Variants in CAP2 observed in about 807,000 individuals in gnomAD.
CAP2 encodes the protein adenylyl cyclase-associated protein 2.
Under a neutral mutation model 57.7 loss-of-function variants are expected in CAP2, and 24 were observed. That is an observed-to-expected ratio of 0.42 (90% CI 0.30 to 0.58). CAP2 has a LOEUF of 0.58. Among genes scored for constraint, CAP2 ranks in the 20% least tolerant of loss-of-function variants. CAP2 has a pLI of 0.22. For synonymous variants in CAP2, 194 were observed against 207.2 expected, an observed-to-expected ratio of 0.94 and a Z score of 0.55; for missense variants, 501 against 590.3, an observed-to-expected ratio of 0.85 and a Z score of 1.57.
intron 1 of CAP2, among the ~76,000 whole-genome samples, chr6:17,401,121 T>G (rs563394086): frequency 6.6e-6 from 1 of 152,286 alleles, no homozygotes; most frequent in South Asian, 2.1e-4. Flanking sequence ...CCCAAAATTC[T>G]TATGTTGAAA....
chr6:17,506,098 T>A (rs1253102360), intron 4 of CAP2, among the ~76,000 whole-genome samples: 1 of 152,080 alleles, frequency 6.6e-6, no homozygotes, highest in Non-Finnish European at 1.5e-5. Flanking sequence ...GGGGTCTTGC[T>A]GTGTTGTCTG....
intron 1 of CAP2, among the ~76,000 whole-genome samples, chr6:17,401,708 A>AT (rs1308967411): frequency 1.3e-5 from 2 of 152,170 alleles, no homozygotes; most frequent in Non-Finnish European, 2.9e-5. Context: ...ATCCACAATT[A>AT]TTTAGGCAAT....
chr6:17,551,060 T>C (rs983138834), intron 11 of CAP2, among the ~76,000 whole-genome samples: 2 of 152,226 alleles, frequency 1.3e-5, no homozygotes, highest in Non-Finnish European at 2.9e-5. Flanking sequence ...CCTAGTTTCA[T>C]AGAGATTTGT....
At chr6:17,453,859 A>G (rs1385724428) in intron 3 of CAP2, among the ~76,000 whole-genome samples, 1 of 151,590 alleles carries the variant, frequency 6.6e-6, no homozygotes, top group Non-Finnish European at 1.5e-5. Flanking sequence ...TCTCTGGGTA[A>G]ATAAATATAT....
rs558447708 is a variant in CAP2, at chr6:17,426,103, C to A, written c.122-487C>A. ...GTGAGACCCTGTCTCAAAAAACAAA[C>A]AAACAAACAAACAAAAAAACCAAAC... On this transcript the variant is annotated intron_variant, in intron 2 of 12. Transcript: ENST00000229922. Among the ~76,000 whole-genome samples, 497 of 151,726 alleles carry A rather than the reference C, an allele frequency of 3.3e-3. 1 individual carries two copies. Among genetic ancestry groups the A allele is most frequent in the African/African-American group, 0.011 (463 of 41,384 alleles).
intron 4 of CAP2, among the ~76,000 whole-genome samples, chr6:17,473,617 T>C (rs1259036087): frequency 1.3e-5 from 2 of 152,242 alleles, no homozygotes. Context: ...TTGCAGAACA[T>C]AGCTTCTGTC....
Position 17,400,097 on chromosome 6 carries a change from G to A in CAP2, c.-2+6351G>A, listed in dbSNP as rs546956467. ...AAAAATTAGCTGGGCATGGTGGCAC[G>A]TGCCTGTAGTCCCAGCTACTTGGGA... On this transcript the variant is annotated intron_variant, in intron 1 of 12. Coordinates refer to ENST00000229922, the MANE Select transcript of CAP2 (RefSeq NM_006366.3). 5.3e-5 allele frequency among the ~76,000 whole-genome samples: 8 copies of A among 152,104 alleles called. No individual in the cohort carries two copies. In the South Asian group the frequency reaches 1.0e-3, roughly 20 times the overall value.
intron 7 of CAP2, among the ~76,000 whole-genome samples, chr6:17,515,259 A>C (rs1311228570): frequency 6.6e-6 from 1 of 152,162 alleles, no homozygotes; most frequent in South Asian, 2.1e-4. Flanking sequence ...ACAGGTGTAC[A>C]TGGAAAGCTA....
At chr6:17,428,774 TAA>T (rs5874606) in intron 3 of CAP2, among the ~76,000 whole-genome samples, 1 of 147,088 alleles carries the variant, frequency 6.8e-6, no homozygotes, top group African/African-American at 2.5e-5. Context: ...TAAAGTATAA[TAA>T]AAAAAAAAAG....
intron 1 of CAP2, among the ~76,000 whole-genome samples, chr6:17,420,533 T>C (rs976397649): frequency 1.3e-5 from 2 of 152,202 alleles, no homozygotes; most frequent in Admixed American, 1.3e-4. Context: ...TTTTATGTAA[T>C]TGAGTAAACA....
intron 7 of CAP2, among the ~76,000 whole-genome samples, chr6:17,525,069 G>C (rs1012619764): frequency 7.9e-5 from 12 of 151,288 alleles, no homozygotes; most frequent in Non-Finnish European, 1.3e-4. Flanking sequence ...GCTACTTTTT[G>C]TACTTTTTTT....
At chr6:17,438,756 A>G (rs1436676652) in intron 3 of CAP2, among the ~76,000 whole-genome samples, 3 of 125,402 alleles carry the variant, frequency 2.4e-5, no homozygotes, top group Non-Finnish European at 4.8e-5. Context: ...TTTTTTATGT[A>G]GTAGAATTTA....
chr6:17,445,031 A>G (rs1156449388), intron 3 of CAP2, among the ~76,000 whole-genome samples: 1 of 152,208 alleles, frequency 6.6e-6, no homozygotes, highest in Non-Finnish European at 1.5e-5. Flanking sequence ...TTGACTTATA[A>G]TCACTGACAA....
chr6:17,432,178 A>C lies in CAP2; in HGVS notation c.222+5488A>C, dbSNP rs79192692. On this transcript the variant is annotated intron_variant, in intron 3 of 12. Transcript: ENST00000229922. ...GGAATAAATAATACAGAATATCTGC[A>C]TGTTTATTTTACGGATGGTATCTTG... Among the ~76,000 whole-genome samples, 422 of 152,310 alleles carry C rather than the reference A, an allele frequency of 2.8e-3. 2 individuals carry two copies. Among genetic ancestry groups the C allele is most frequent in the African/African-American group, 9.7e-3 (405 of 41,562 alleles).
At chr6:17,538,133 A>C (rs984358379) in intron 7 of CAP2, among the ~76,000 whole-genome samples, 1 of 152,032 alleles carries the variant, frequency 6.6e-6, no homozygotes, top group African/African-American at 2.4e-5. Flanking sequence ...CTATCCTACC[A>C]GTTTTAAGTT....
chr6:17,443,862 CAT>C (rs1020116611), intron 3 of CAP2, among the ~76,000 whole-genome samples: 48 of 152,358 alleles, frequency 3.2e-4, no homozygotes, highest in East Asian at 3.1e-3. Context: ...CCAGATTTTA[CAT>C]ACACACACAT....
At chr6:17,460,721 T>C (rs1230644549) in intron 3 of CAP2, among the ~76,000 whole-genome samples, 1 of 152,234 alleles carries the variant, frequency 6.6e-6, no homozygotes, top group African/African-American at 2.4e-5. Context: ...AACAGTTCTT[T>C]TTCATTTACA....
chr6:17,556,270 C>A, intron 12 of CAP2, 89 bp from the exon 13 acceptor site: 1 of 894,024 alleles, frequency 1.1e-6, no homozygotes, highest in South Asian at 1.4e-5. Context: ...TGGCACAAAT[C>A]AGCCTCACCA....
chr6:17,405,119 A>G (rs1252283031), intron 1 of CAP2, among the ~76,000 whole-genome samples: 2 of 152,162 alleles, frequency 1.3e-5, no homozygotes, highest in Non-Finnish European at 2.9e-5. Context: ...GTAGTGGGGC[A>G]CGCCTATAAC....
Sources: allele counts gnomAD v4.1 joint callset (sites outside exome capture counted in the v4.1 genomes callset), GRCh38; gene constraint gnomAD v4.1.1; transcripts MANE v1.5; gene names NCBI Gene and HGNC (gene_info 2026-07-23, HGNC 2026-07-21).